SLFN5: variants seen among roughly 807,000 people sequenced by gnomAD.
SLFN5 encodes schlafen family member 5.
Under a neutral mutation model 48.5 loss-of-function variants are expected in SLFN5, and 34 were observed. The observed-to-expected ratio is 0.70, with a 90% CI of 0.53 to 0.93. SLFN5 has a LOEUF of 0.93. SLFN5 is among the 40% of genes least tolerant of loss of function. SLFN5 has a pLI of 0.00. For missense variants in SLFN5, 1,006 were observed against 1,071.3 expected (o/e 0.94, Z 0.85); for synonymous variants, 387 against 396.2 (o/e 0.98, Z 0.28).
chr17:35,262,234 G>C (rs1008075184), intron 3 of SLFN5, among the ~76,000 whole-genome samples: 1 of 151,774 alleles, frequency 6.6e-6, no homozygotes, highest in South Asian at 2.1e-4. Context: ...CAAAAAATTA[G>C]CTGGGTGTGG....
chr17:35,267,966 C>G lies in SLFN5; in HGVS notation c.*2078C>G, dbSNP rs1904743879. On this transcript the variant is annotated 3_prime_UTR_variant, in exon 5 of 5. Transcript: ENST00000299977. ...TGTCCCCAGGGACTCTCCGTGGACA[C>G]AGGAGGGATTTTCCAGGATTTCACA... is the stretch of plus-strand genomic sequence containing the variant. 1 of 152,178 alleles carries G rather than the reference C, an allele frequency of 6.6e-6. No individual in the cohort carries two copies. Among genetic ancestry groups the G allele is most frequent in the African/African-American group, 2.4e-5 (1 of 41,424 alleles). 9.4% of individuals were successfully genotyped at this position (152,178 alleles called of 1,614,324 possible).
chr17:35,265,550 C>G lies in SLFN5; in HGVS notation c.2338C>G (p.Leu780Val). Residue 780 changes from leucine to valine, a missense_variant, in exon 5 of 5, where the codon CTC (leucine) becomes GTC (valine). Leu to Val is a conservative substitution (Grantham distance 32). Coordinates refer to ENST00000299977, the MANE Select transcript of SLFN5 (RefSeq NM_144975.4). Reference sequence around the variant, plus strand: ...CTATGTAGCGAATAAATGCCGTTTTCTCTTGCGGAATGGTTATTCTCCGAA... The same window carrying G: ...CTATGTAGCGAATAAATGCCGTTTTGTCTTGCGGAATGGTTATTCTCCGAA... Reference protein sequence around the residue: ...LIYVANKCRFLLRNGYSPKDI... With the variant: ...LIYVANKCRFVLRNGYSPKDI... The G allele has an allele frequency of 6.2e-7, 1 of 1,614,238 alleles. No individual in the cohort carries two copies. Among genetic ancestry groups the G allele is most frequent in the Non-Finnish European group, 8.5e-7 (1 of 1,180,052 alleles).
At position 35,271,438 on chromosome 17, in the gene SLFN5, T is replaced by G. The variant is rs1904828529; in HGVS notation, c.*5550T>G. 6.6e-6 allele frequency: 1 copy of G among 152,162 alleles called. No individual in the cohort carries two copies. The highest frequency in any genetic ancestry group is 2.1e-4 in the South Asian group (1 of 4,828). 9.4% of individuals were successfully genotyped at this position (152,162 alleles called of 1,614,324 possible). Reference sequence around the variant, plus strand: ...TATTATTTTCTAATTGCCTATTATGTCAGACTACATGTAGTTAGAAAATAC... The same window carrying G: ...TATTATTTTCTAATTGCCTATTATGGCAGACTACATGTAGTTAGAAAATAC... On this transcript the variant is annotated 3_prime_UTR_variant, in exon 5 of 5. Coordinates refer to ENST00000299977, the MANE Select transcript of SLFN5 (RefSeq NM_144975.4).
Position 35,269,138 on chromosome 17 carries a change from C to A in SLFN5, c.*3250C>A, listed in dbSNP as rs2671824. 6.6e-6 allele frequency: 1 copy of A among 151,940 alleles called. No individual in the cohort carries two copies. Among genetic ancestry groups the A allele is most frequent in the East Asian group, 1.9e-4 (1 of 5,190 alleles). The allele number at this position is 151,940 out of a possible 1,614,324, so 9.4% of individuals were successfully genotyped here. On this transcript the variant is annotated 3_prime_UTR_variant, in exon 5 of 5. Transcript: ENST00000299977. ...AACATGTGTACAGTTCTTAGGGAAA[C>A]AAATTTTGACCTAAAAATATTAAAC...
chr17:35,244,475 G>C (rs11870371), intron 1 of SLFN5, among the ~76,000 whole-genome samples: 18,720 of 152,118 alleles, frequency 0.12, 1,267 homozygotes, highest in African/African-American at 0.18. Flanking sequence ...GTCTGGCCTC[G>C]CCCTATGAGA....
At chr17:35,257,650 T>A (rs1904385243) in intron 1 of SLFN5, among the ~76,000 whole-genome samples, 1 of 152,058 alleles carries the variant, frequency 6.6e-6, no homozygotes, top group Admixed American at 6.6e-5. Context: ...CAGTCTTGCC[T>A]ATGCCCCTTG....
chr17:35,247,101 T>G (rs1368540141), intron 1 of SLFN5, among the ~76,000 whole-genome samples: 1 of 152,158 alleles, frequency 6.6e-6, no homozygotes, highest in Non-Finnish European at 1.5e-5. Context: ...GTCAGGACCT[T>G]GTCAATAACT....
At chr17:35,250,439 C>G (rs932385613) in intron 1 of SLFN5, among the ~76,000 whole-genome samples, 2 of 152,094 alleles carry the variant, frequency 1.3e-5, no homozygotes, top group Non-Finnish European at 2.9e-5. Context: ...GCGGGCGGAT[C>G]ACGAGGTCAG....
At chr17:35,261,140 A>G (rs774493809) in intron 3 of SLFN5, 44 bp downstream of exon 3, 4 of 1,591,032 alleles carry the variant, frequency 2.5e-6, no homozygotes, top group South Asian at 1.1e-5. Flanking sequence ...TTGATTGTTC[A>G]TTCATATAAA....
intron 1 of SLFN5, among the ~76,000 whole-genome samples, chr17:35,258,448 C>CA (rs1430447509): frequency 4.6e-5 from 7 of 152,124 alleles, no homozygotes; most frequent in African/African-American, 7.2e-5. Flanking sequence ...CCCCATGACT[C>CA]AATTATCTCC....
chr17:35,252,887 G>A (rs972122153), intron 1 of SLFN5, among the ~76,000 whole-genome samples: 3 of 151,742 alleles, frequency 2.0e-5, no homozygotes, highest in African/African-American at 4.8e-5. Context: ...CTTGTCTCTC[G>A]GGCTTTTTCT....
intron 1 of SLFN5, among the ~76,000 whole-genome samples, chr17:35,248,302 GT>G (rs1366348280): frequency 6.6e-6 from 1 of 152,144 alleles, no homozygotes; most frequent in South Asian, 2.1e-4. Context: ...TGGGGCTGCC[GT>G]TTTTTGTTGG....
chr17:35,271,412 A>T lies in SLFN5; in HGVS notation c.*5524A>T, dbSNP rs1457446081. On this transcript the variant is annotated 3_prime_UTR_variant, in exon 5 of 5. Coordinates refer to ENST00000299977, the MANE Select transcript of SLFN5 (RefSeq NM_144975.4). ...GTGAAACATAAGGTTAAGTCTATAC[A>T]TATTATTTTCTAATTGCCTATTATG... is the stretch of plus-strand genomic sequence containing the variant. 6.6e-6 allele frequency: 1 copy of T among 152,216 alleles called. No individual in the cohort carries two copies. Among genetic ancestry groups the T allele is most frequent in the Non-Finnish European group, 1.5e-5 (1 of 68,026 alleles). 9.4% of individuals were successfully genotyped at this position (152,216 alleles called of 1,614,324 possible). A position where few individuals can be genotyped will look rare whatever the true frequency, so the allele number is the denominator to read the frequency against.
intron 1 of SLFN5, among the ~76,000 whole-genome samples, chr17:35,254,851 T>A (rs2092450862): frequency 6.6e-6 from 1 of 152,094 alleles, no homozygotes; most frequent in Non-Finnish European, 1.5e-5. Flanking sequence ...ACCCTGTCTC[T>A]ACTAAAAATA....
chr17:35,251,401 T>G lies in SLFN5; in HGVS notation c.-40-7250T>G, dbSNP rs750477439. Among the ~76,000 whole-genome samples, 64 of 152,306 alleles carry G rather than the reference T, an allele frequency of 4.2e-4. 1 individual carries two copies. Among genetic ancestry groups the G allele is most frequent in the Non-Finnish European group, 7.8e-4 (53 of 68,026 alleles). On this transcript the variant is annotated intron_variant, in intron 1 of 4. Coordinates refer to ENST00000299977, the MANE Select transcript of SLFN5 (RefSeq NM_144975.4). ...CAAACATTACTAATTTGGGGTTTTT[T>G]TTTGTTTGTTTTTTTGTTTTTTGAG... is the stretch of plus-strand genomic sequence containing the variant.
At position 35,256,130 on chromosome 17, in the gene SLFN5, G is replaced by A. The variant is rs575173289; in HGVS notation, c.-40-2521G>A. Among the ~76,000 whole-genome samples, 7 of 152,330 alleles carry A rather than the reference G, an allele frequency of 4.6e-5. No individual in the cohort carries two copies. In the South Asian group the frequency reaches 1.2e-3, roughly 27 times the overall value. ...TGCCAGTATATTGGGAGGCCAAGGC[G>A]GGCAGATCACCGGAGGTCAGGAGTT... On this transcript the variant is annotated intron_variant, in intron 1 of 4. Coordinates refer to ENST00000299977, the MANE Select transcript of SLFN5 (RefSeq NM_144975.4).
rs1417146945 is a variant in SLFN5 at position 35,272,142 on chromosome 17, G to C, written c.*6254G>C. ...ACCAAATATTAAAACATCTTATAAA[G>C]CTACAATAATTAAAACAATGTGGTG... is the stretch of plus-strand genomic sequence containing the variant. On this transcript the variant is annotated 3_prime_UTR_variant, in exon 5 of 5. Transcript: ENST00000299977. 6.6e-6 allele frequency: 1 copy of C among 152,070 alleles called. No homozygotes were observed. Among genetic ancestry groups the C allele is most frequent in the African/African-American group, 2.4e-5 (1 of 41,408 alleles). The allele number at this position is 152,070 out of a possible 1,614,324, so 9.4% of individuals were successfully genotyped here.
At chr17:35,262,727 G>A (rs1904555907) in intron 3 of SLFN5, among the ~76,000 whole-genome samples, 1 of 152,088 alleles carries the variant, frequency 6.6e-6, no homozygotes, top group Admixed American at 6.5e-5. Flanking sequence ...AGCTGCATGT[G>A]GTGGCATGCA....
rs2142704563 is a variant in SLFN5 at position 35,264,335 on chromosome 17, C to A, written c.1291C>A (p.Leu431Met). 2 of 1,614,138 alleles carry A rather than the reference C, an allele frequency of 1.2e-6. No individual in the cohort carries two copies. Among genetic ancestry groups the A allele is most frequent in the East Asian group, 2.2e-5 (1 of 44,888 alleles). Residue 431 changes from leucine (L) to methionine (M), a missense_variant, in exon 4 of 5, where the codon CTG becomes ATG. By Grantham distance (15) the Leu-to-Met change is conservative. Transcript: ENST00000299977. ...TCAAAGCTGGGCTGTGGATTTAGGT[C>A]TGCAAGAGAAGCAGGGAGTCATCTG... is the stretch of plus-strand genomic sequence containing the variant. ...FSQSWAVDLG[L>M]QEKQGVICDA...
Sources: gnomAD v4.1 joint callset for allele counts (sites outside exome capture counted in the v4.1 genomes callset) on GRCh38, gnomAD v4.1.1 for gene constraint, MANE v1.5 for transcripts, NCBI Gene and HGNC (gene_info 2026-07-23, HGNC 2026-07-21) for gene names.